Variants in KCNH5 observed in about 807,000 individuals in gnomAD.
KCNH5 encodes the protein potassium voltage-gated channel subfamily H member 5.
KCNH5 carries 46 observed loss-of-function variants against 96.1 expected under a neutral mutation model. That is an observed-to-expected ratio of 0.48 (90% confidence interval 0.38 to 0.61). The LOEUF (loss-of-function observed/expected upper bound fraction) is 0.61, where lower values mean the gene tolerates loss of function less well. KCNH5 is among the 20% of genes least tolerant of loss of function. The pLI, the probability that KCNH5 is intolerant of heterozygous loss-of-function variation, is 0.00. For synonymous variants in KCNH5, 439 were observed against 449.8 expected (o/e 0.98, Z 0.30); for missense variants, 907 against 1,225.8 (o/e 0.74, Z 3.88).
chr14:62,869,354 T>C (rs1305928457), intron 7 of KCNH5, among the ~76,000 whole-genome samples: 1 of 152,072 alleles, frequency 6.6e-6, no homozygotes, highest in African/African-American at 2.4e-5. Context: ...TGTCTGTTCA[T>C]ATCCTTTGCC....
chr14:62,961,572 G>C (rs1241999938), intron 6 of KCNH5, among the ~76,000 whole-genome samples: 1 of 152,200 alleles, frequency 6.6e-6, no homozygotes, highest in East Asian at 1.9e-4. Context: ...AAGTGGCCAT[G>C]ATGGGCTATG....
chr14:62,787,200 C>A (rs547184441), intron 9 of KCNH5, among the ~76,000 whole-genome samples: 1 of 152,102 alleles, frequency 6.6e-6, no homozygotes, highest in Non-Finnish European at 1.5e-5. Flanking sequence ...GCTACTCCAG[C>A]GAACACATGA....
At chr14:62,780,076 G>A in intron 9 of KCNH5, 152 bp from the exon 10 acceptor site, 1 of 471,320 alleles carries the variant, frequency 2.1e-6, no homozygotes, top group South Asian at 7.0e-5. Flanking sequence ...AATACACAAT[G>A]CTTTCATATA....
chr14:62,722,900 T>C (rs184975350), intron 10 of KCNH5, among the ~76,000 whole-genome samples: 365 of 152,340 alleles, frequency 2.4e-3, no homozygotes, highest in African/African-American at 8.1e-3. Flanking sequence ...CGTTTCCTAC[T>C]GCCAACTCCA....
intron 4 of KCNH5, among the ~76,000 whole-genome samples, chr14:62,997,215 A>G (rs1040665736): frequency 6.6e-6 from 1 of 152,236 alleles, no homozygotes; most frequent in African/African-American, 2.4e-5. Context: ...TTATGTAAAA[A>G]TGAAAACAAT....
At position 62,775,639 on chromosome 14, in the gene KCNH5, G is replaced by A. The variant is rs1886079814; in HGVS notation, c.2019+4089C>T. Among the ~76,000 whole-genome samples the A allele has an allele frequency of 2.6e-5, 4 of 151,990 alleles. No homozygotes were observed. The South Asian group carries it at 8.3e-4, about 32-fold the overall frequency. On this transcript the variant is annotated intron_variant, in intron 10 of 10. Transcript: ENST00000322893. ...TAGCTACTTCTTATTAATATTTATGGCATTTTCCATCTCATAACCCTCTGA... is the reference window on the plus strand; with the variant it reads ...TAGCTACTTCTTATTAATATTTATGACATTTTCCATCTCATAACCCTCTGA...
chr14:62,709,051 G>A (rs1403118428), intron 10 of KCNH5, among the ~76,000 whole-genome samples: 1 of 151,322 alleles, frequency 6.6e-6, no homozygotes. Flanking sequence ...CGAGACCACG[G>A]TGAAACCCCG....
At chr14:62,864,746 T>A (rs1425504720) in intron 7 of KCNH5, among the ~76,000 whole-genome samples, 1 of 152,234 alleles carries the variant, frequency 6.6e-6, no homozygotes, top group Admixed American at 6.5e-5. Flanking sequence ...ACAATGCATA[T>A]TAGCATATCA....
intron 1 of KCNH5, among the ~76,000 whole-genome samples, chr14:63,023,235 T>A (rs1170765928): frequency 6.6e-6 from 1 of 151,904 alleles, no homozygotes; most frequent in African/African-American, 2.4e-5. Context: ...AATGTTTATC[T>A]GCCTATTGGA....
At chr14:62,989,224 AC>A (rs1352285012) in intron 4 of KCNH5, among the ~76,000 whole-genome samples, 1 of 151,744 alleles carries the variant, frequency 6.6e-6, no homozygotes, top group Non-Finnish European at 1.5e-5. Flanking sequence ...TTACCCTATT[AC>A]CCTTTAACAG....
intron 7 of KCNH5, among the ~76,000 whole-genome samples, chr14:62,908,860 A>G (rs1425213361): frequency 9.0e-6 from 1 of 110,960 alleles, no homozygotes; most frequent in Non-Finnish European, 1.7e-5. Flanking sequence ...GAGTCCTGTG[A>G]CTCCTTCTAG....
chr14:62,854,156 ATTAC>A (rs1566683092), intron 7 of KCNH5, among the ~76,000 whole-genome samples: 1 of 151,840 alleles, frequency 6.6e-6, no homozygotes, highest in African/African-American at 2.4e-5. Flanking sequence ...TTTAACTTAC[ATTAC>A]TTATTTATTT....
chr14:62,966,133 CA>C (rs1485419520), intron 6 of KCNH5, among the ~76,000 whole-genome samples: 1 of 152,102 alleles, frequency 6.6e-6, no homozygotes, highest in Non-Finnish European at 1.5e-5. Context: ...TTTCCTGACA[CA>C]ATTACCCAAA....
intron 7 of KCNH5, among the ~76,000 whole-genome samples, chr14:62,909,346 A>G (rs1182376870): frequency 6.6e-6 from 1 of 152,156 alleles, no homozygotes; most frequent in Non-Finnish European, 1.5e-5. Context: ...CGCCCGGCCT[A>G]TGCTACGTAT....
At chr14:62,895,305 A>C (rs1888788472) in intron 7 of KCNH5, among the ~76,000 whole-genome samples, 1 of 151,972 alleles carries the variant, frequency 6.6e-6, no homozygotes, top group South Asian at 2.1e-4. Context: ...GAACTCTATT[A>C]GTCAATAATA....
At chr14:62,997,716 T>C (rs1890931860) in intron 4 of KCNH5, among the ~76,000 whole-genome samples, 1 of 151,392 alleles carries the variant, frequency 6.6e-6, no homozygotes, top group Non-Finnish European at 1.5e-5. Context: ...GCTAACACAG[T>C]GAAACCCCGT....
chr14:62,882,100 TAAAAAAAAAAAAAA>T (rs143123435), intron 7 of KCNH5, among the ~76,000 whole-genome samples: 2 of 76,658 alleles, frequency 2.6e-5, no homozygotes, highest in African/African-American at 5.9e-5. Context: ...CCCCATTTCT[TAAAAAAAAAAAAAA>T]AAAAAAAAAA....
chr14:62,937,819 C>G (rs985960486), intron 7 of KCNH5, among the ~76,000 whole-genome samples: 1 of 152,116 alleles, frequency 6.6e-6, no homozygotes, highest in African/African-American at 2.4e-5. Flanking sequence ...CAAAAGGGCA[C>G]AGGATGAAGG....
At chr14:62,948,581 T>G (rs925953754) in intron 7 of KCNH5, among the ~76,000 whole-genome samples, 1 of 151,612 alleles carries the variant, frequency 6.6e-6, no homozygotes, top group African/African-American at 2.4e-5. Flanking sequence ...ACCAGAGGTA[T>G]AAGGAGGAAC....
Sources: gnomAD v4.1 joint callset for allele counts (sites outside exome capture counted in the v4.1 genomes callset) on GRCh38, gnomAD v4.1.1 for gene constraint, MANE v1.5 for transcripts, NCBI Gene and HGNC (gene_info 2026-07-23, HGNC 2026-07-21) for gene names.